RSRC1: variants seen among roughly 807,000 people sequenced by gnomAD.
RSRC1 encodes the protein arginine and serine rich coiled-coil 1, also known as serine/Arginine-related protein 53.
A neutral mutation model predicts 49.1 loss-of-function variants in RSRC1; 39 were observed. That is an observed-to-expected ratio of 0.79 (90% confidence interval 0.61 to 1.04). The LOEUF (loss-of-function observed/expected upper bound fraction) is 1.04. Ranked by LOEUF, RSRC1 falls within the 50% of genes least tolerant of loss-of-function variation. The pLI is 0.00. For synonymous variants in RSRC1, 143 were observed against 130.8 expected (o/e 1.09, Z -0.63); for missense variants, 388 against 402.4 (o/e 0.96, Z 0.31).
intron 4 of RSRC1, among the ~76,000 whole-genome samples, chr3:158,286,832 A>G (rs1036254492): frequency 6.6e-6 from 1 of 152,212 alleles, no homozygotes; most frequent in Non-Finnish European, 1.5e-5. Flanking sequence ...TGTTTTCAGG[A>G]AAGATATACA....
At chr3:158,265,579 T>G (rs1725125099) in intron 4 of RSRC1, among the ~76,000 whole-genome samples, 1 of 151,950 alleles carries the variant, frequency 6.6e-6, no homozygotes, top group East Asian at 1.9e-4. Flanking sequence ...TACAGTGAGC[T>G]GAGATCATGC....
intron 6 of RSRC1, among the ~76,000 whole-genome samples, chr3:158,382,807 T>A (rs1161586539): frequency 6.6e-6 from 1 of 152,206 alleles, no homozygotes; most frequent in East Asian, 1.9e-4. Flanking sequence ...TTTCATTTGG[T>A]CATTGTTTTT....
At chr3:158,327,184 G>A (rs1014855938) in intron 5 of RSRC1, among the ~76,000 whole-genome samples, 1 of 151,968 alleles carries the variant, frequency 6.6e-6, no homozygotes, top group African/African-American at 2.4e-5. Context: ...CAAAAAACCA[G>A]CTCCTGGATT....
At chr3:158,296,650 A>G (rs1005597755) in intron 4 of RSRC1, among the ~76,000 whole-genome samples, 1 of 152,068 alleles carries the variant, frequency 6.6e-6, no homozygotes, top group African/African-American at 2.4e-5. Context: ...TTATATAGAT[A>G]GTAGCCTTCT....
At chr3:158,251,580 G>A (rs1724210715) in intron 4 of RSRC1, among the ~76,000 whole-genome samples, 1 of 151,942 alleles carries the variant, frequency 6.6e-6, no homozygotes, top group Non-Finnish European at 1.5e-5. Context: ...TGTGGCTATT[G>A]TAAATTGGAT....
rs1049537459 is a variant in RSRC1 at position 158,228,818 on chromosome 3, T to C, written c.494+25573T>C. ...ATGTGTGTATATATGTCTATGATCA[T>C]AGACACACGTGTGTATATATGTATA... On this transcript the variant is annotated intron_variant, in intron 4 of 9. Coordinates refer to ENST00000611884, the MANE Select transcript of RSRC1 (RefSeq NM_001271838.2). Among the ~76,000 whole-genome samples the C allele has an allele frequency of 7.3e-5, 6 of 82,342 alleles. No individual in the cohort carries two copies. In the Admixed American group the frequency reaches 7.6e-4, roughly 10 times the overall value. The allele number at this position is 82,342 out of a possible 152,430, so 54.0% of individuals were successfully genotyped here.
At chr3:158,153,171 C>T (rs1717654250) in intron 3 of RSRC1, among the ~76,000 whole-genome samples, 1 of 152,140 alleles carries the variant, frequency 6.6e-6, no homozygotes, top group Non-Finnish European at 1.5e-5. Context: ...GTCACATTTG[C>T]TTATTTGCTA....
At chr3:158,159,026 G>C (rs1020242602) in intron 3 of RSRC1, among the ~76,000 whole-genome samples, 12 of 151,282 alleles carry the variant, frequency 7.9e-5, no homozygotes, top group African/African-American at 2.9e-4. Flanking sequence ...TCTACTTTTT[G>C]TTCTTATTTC....
At chr3:158,313,597 T>C (rs980401496) in intron 5 of RSRC1, among the ~76,000 whole-genome samples, 2 of 152,210 alleles carry the variant, frequency 1.3e-5, no homozygotes, top group African/African-American at 2.4e-5. Context: ...TAATGAAACA[T>C]TTTAAGGAAG....
At chr3:158,265,871 TTATGA>T (rs1404342680) in intron 4 of RSRC1, among the ~76,000 whole-genome samples, 1 of 152,200 alleles carries the variant, frequency 6.6e-6, no homozygotes, top group Non-Finnish European at 1.5e-5. Flanking sequence ...TCATTTTGAC[TTATGA>T]TGTGAGGTAG....
intron 4 of RSRC1, among the ~76,000 whole-genome samples, chr3:158,282,312 G>A (rs536773489): frequency 6.6e-6 from 1 of 152,312 alleles, no homozygotes; most frequent in East Asian, 1.9e-4. Flanking sequence ...GATGTGGCCT[G>A]TTTTATGTGA....
intron 7 of RSRC1, among the ~76,000 whole-genome samples, chr3:158,488,746 A>T (rs370481491): frequency 1.3e-5 from 2 of 152,206 alleles, no homozygotes; most frequent in East Asian, 3.8e-4. Flanking sequence ...TTTCTAACTA[A>T]GTTAAGCCAG....
chr3:158,158,534 A>C (rs6779266), intron 3 of RSRC1, among the ~76,000 whole-genome samples: 144,103 of 152,266 alleles, frequency 0.95, 68,309 homozygotes, highest in East Asian at 1. Context: ...AGTAGTCCAC[A>C]TGAAATTGTC....
At chr3:158,218,741 A>T (rs750088373) in intron 4 of RSRC1, among the ~76,000 whole-genome samples, 2 of 151,632 alleles carry the variant, frequency 1.3e-5, no homozygotes, top group Non-Finnish European at 1.5e-5. Context: ...GGGAGGCTGC[A>T]GTAACCCAAG....
chr3:158,526,283 A>G (rs1343820360), intron 7 of RSRC1, among the ~76,000 whole-genome samples: 1 of 152,052 alleles, frequency 6.6e-6, no homozygotes, highest in Non-Finnish European at 1.5e-5. Flanking sequence ...ATGTAAGGTT[A>G]TCAAAGATTG....
At chr3:158,450,638 T>G (rs1339666992) in intron 6 of RSRC1, among the ~76,000 whole-genome samples, 1 of 151,842 alleles carries the variant, frequency 6.6e-6, no homozygotes. Flanking sequence ...GACCATAGTT[T>G]TATAGTCTTT....
intron 6 of RSRC1, 84 bp downstream of exon 6, chr3:158,354,992 A>C (rs917626445): frequency 1.5e-5 from 12 of 825,396 alleles, no homozygotes; most frequent in Middle Eastern, 2.4e-4. Context: ...ATGAGTAAAA[A>C]AAAAAACACT....
At chr3:158,171,376 T>C (rs1718871982) in intron 3 of RSRC1, among the ~76,000 whole-genome samples, 1 of 152,076 alleles carries the variant, frequency 6.6e-6, no homozygotes, top group Non-Finnish European at 1.5e-5. Flanking sequence ...GTGACTAATA[T>C]TTAAGGGAAA....
At chr3:158,456,787 G>C (rs1407482883) in intron 6 of RSRC1, among the ~76,000 whole-genome samples, 1 of 152,186 alleles carries the variant, frequency 6.6e-6, no homozygotes, top group Non-Finnish European at 1.5e-5. Context: ...GATCCTTGGA[G>C]TGAGAAAGGA....
Sources: allele counts gnomAD v4.1 joint callset (sites outside exome capture counted in the v4.1 genomes callset), GRCh38; gene constraint gnomAD v4.1.1; transcripts MANE v1.5; gene names NCBI Gene and HGNC (gene_info 2026-07-23, HGNC 2026-07-21).